The following BARD1 variants were observed in gnomAD, a reference collection of about 807,000 sequenced individuals.
BARD1 encodes BRCA1 associated RING domain 1, also known as BRCA1-associated RING domain protein 1.
In BARD1, 73 loss-of-function variants were observed where a neutral mutation model predicts 77.0. The ratio of observed to expected loss-of-function variants is 0.95; its 90% confidence interval spans 0.79 to 1.15. BARD1 has a LOEUF of 1.15. Among genes scored for constraint, BARD1 ranks in the 50% most tolerant of loss-of-function variants. The pLI, the probability that BARD1 is intolerant of heterozygous loss-of-function variation, is 0.00. For missense variants in BARD1, 993 were observed against 938.8 expected (o/e 1.06, Z -0.75); for synonymous variants, 384 against 338.0 (o/e 1.14, Z -1.49).
intron 2 of BARD1, among the ~76,000 whole-genome samples, chr2:214,794,083 C>T (rs1022603963): frequency 3.9e-5 from 6 of 151,936 alleles, no homozygotes; most frequent in Non-Finnish European, 5.9e-5. Context: ...AAAACCTTGT[C>T]TCTACAAAAA....
At chr2:214,770,131 AAC>A (rs1168976138) in intron 4 of BARD1, among the ~76,000 whole-genome samples, 6 of 152,338 alleles carry the variant, frequency 3.9e-5, no homozygotes, top group East Asian at 1.9e-4. Context: ...TCTAGGAAGC[AAC>A]AGTTGCTCTG....
chr2:214,758,011 G>A (rs1189039360), intron 6 of BARD1, among the ~76,000 whole-genome samples: 2 of 152,134 alleles, frequency 1.3e-5, no homozygotes, highest in Non-Finnish European at 2.9e-5. Flanking sequence ...AGGTACTCTC[G>A]AACTGTAAGC....
At chr2:214,773,143 C>G (rs1305275901) in intron 4 of BARD1, among the ~76,000 whole-genome samples, 3 of 152,126 alleles carry the variant, frequency 2.0e-5, no homozygotes. Flanking sequence ...TACTGCAGAT[C>G]CACACATATT....
chr2:214,755,307 CTTGAT>C (rs1457684884), intron 6 of BARD1, among the ~76,000 whole-genome samples: 1 of 152,136 alleles, frequency 6.6e-6, no homozygotes, highest in African/African-American at 2.4e-5. Flanking sequence ...ACATCAATAA[CTTGAT>C]TTGATATTTA....
At chr2:214,737,243 C>G (rs1376399856) in intron 9 of BARD1, among the ~76,000 whole-genome samples, 1 of 152,062 alleles carries the variant, frequency 6.6e-6, no homozygotes, top group Non-Finnish European at 1.5e-5. Context: ...TTATGTTAGA[C>G]AAAACCAGAC....
Position 214,780,965 on chromosome 2 carries a change from G to A in BARD1, c.909C>T (p.Val303=), listed in dbSNP as rs751581520. The part of the protein sequence containing the change: ...SRNEVVTPEK[V]CKNYLTSKKS... ...TCTTAGATGTAAGATAATTTTTGCAGACCTTCTCAGGAGTCACTACTTCAT... is the reference window on the plus strand; with the variant it reads ...TCTTAGATGTAAGATAATTTTTGCAAACCTTCTCAGGAGTCACTACTTCAT... Residue 303 remains valine, a synonymous_variant, in exon 4 of 11, where the codon GTC becomes GTT. Coordinates refer to ENST00000260947, the MANE Select transcript of BARD1 (RefSeq NM_000465.4). 1 of 1,613,664 alleles carries A rather than the reference G, an allele frequency of 6.2e-7. No homozygotes were observed. Among genetic ancestry groups the A allele is most frequent in the South Asian group, 1.1e-5 (1 of 91,062 alleles).
At chr2:214,731,639 A>T (rs545297386) in intron 9 of BARD1, among the ~76,000 whole-genome samples, 2 of 152,318 alleles carry the variant, frequency 1.3e-5, no homozygotes, top group East Asian at 3.9e-4. Flanking sequence ...TAGATACTAC[A>T]ATGAATTATC....
At chr2:214,745,879 G>A (rs755501437) in intron 7 of BARD1, 25 bp from the exon 8 acceptor site, 1 of 1,613,322 alleles carries the variant, frequency 6.2e-7, no homozygotes, top group African/African-American at 1.3e-5. Flanking sequence ...GGAGATACCA[G>A]TGTTAAAAAC....
At chr2:214,800,091 C>T (rs139398591) in intron 1 of BARD1, among the ~76,000 whole-genome samples, 248 of 152,348 alleles carry the variant, frequency 1.6e-3, no homozygotes, top group African/African-American at 5.3e-3. Context: ...CTTGACTCAA[C>T]GCCTTGATTC....
intron 9 of BARD1, among the ~76,000 whole-genome samples, chr2:214,742,845 G>C (rs1692908740): frequency 6.6e-6 from 1 of 152,118 alleles, no homozygotes; most frequent in Non-Finnish European, 1.5e-5. Context: ...CTTTATTACT[G>C]CGACCTTACT....
chr2:214,749,469 G>A (rs1351535708), intron 7 of BARD1, among the ~76,000 whole-genome samples: 2 of 152,148 alleles, frequency 1.3e-5, no homozygotes, highest in Non-Finnish European at 2.9e-5. Flanking sequence ...TACATGACAT[G>A]CCCAAAGTAT....
chr2:214,750,855 A>T (rs1324257545), intron 7 of BARD1, among the ~76,000 whole-genome samples: 1 of 152,062 alleles, frequency 6.6e-6, no homozygotes, highest in Admixed American at 6.6e-5. Flanking sequence ...GAGGATGGCA[A>T]GGTAAAGAGA....
In BARD1 at chr2:214,809,447, G is replaced by A. The variant is rs764410072; in HGVS notation, c.123C>T (p.Leu41=). 6.2e-7 allele frequency: 1 copy of A among 1,611,740 alleles called. No individual in the cohort carries two copies. Among genetic ancestry groups the A allele is most frequent in the Non-Finnish European group, 8.5e-7 (1 of 1,179,692 alleles). Residue 41 remains leucine (L), a synonymous_variant, in exon 1 of 11, where the codon CTC becomes CTT. Coordinates refer to ENST00000260947, the MANE Select transcript of BARD1 (RefSeq NM_000465.4). ...RGAWAHSRAA[L]DRLEKLLRCS... Reference sequence around the variant, plus strand: ...AGCGCAGCAGCTTCTCCAGGCGGTCGAGCGCGGCGCGACTGTGGGCCCAGG... The same window carrying A: ...AGCGCAGCAGCTTCTCCAGGCGGTCAAGCGCGGCGCGACTGTGGGCCCAGG...
intron 10 of BARD1, 93 bp from the exon 11 acceptor site, chr2:214,729,101 A>T: frequency 7.3e-7 from 1 of 1,369,690 alleles, no homozygotes; most frequent in Non-Finnish European, 1.0e-6. Flanking sequence ...ATACAAGTTG[A>T]ATATCCCTTA....
chr2:214,801,663 C>T (rs1353524175), intron 1 of BARD1, among the ~76,000 whole-genome samples: 2 of 152,090 alleles, frequency 1.3e-5, no homozygotes, highest in African/African-American at 4.8e-5. Flanking sequence ...AAAATTCATG[C>T]CATGTAACAT....
intron 1 of BARD1, among the ~76,000 whole-genome samples, chr2:214,808,607 T>A (rs970191524): frequency 6.6e-6 from 1 of 152,188 alleles, no homozygotes; most frequent in Non-Finnish European, 1.5e-5. Flanking sequence ...TCAATAAAAA[T>A]GCTTTTCAGA....
Position 214,727,552 on chromosome 2 carries a change from G to C in BARD1, c.*1124C>G, listed in dbSNP as rs1156507690. ...TTCATGAATGAGAGCACCCAGAGCA[G>C]AGTAACCTCCCCACATCTGGCCACT... On this transcript the variant is annotated 3_prime_UTR_variant, in exon 11 of 11. Transcript: ENST00000260947. 3 of 232,422 alleles carry C rather than the reference G, an allele frequency of 1.3e-5. No individual in the cohort carries two copies. Among genetic ancestry groups the C allele is most frequent in the South Asian group, 1.8e-4 (1 of 5,524 alleles). The allele number at this position is 232,422 out of a possible 1,614,324, so 14.4% of individuals were successfully genotyped here. A position where few individuals can be genotyped will look rare whatever the true frequency, so the allele number is the denominator to read the frequency against.
chr2:214,736,735 C>G (rs1273695660), intron 9 of BARD1, among the ~76,000 whole-genome samples: 2 of 152,104 alleles, frequency 1.3e-5, no homozygotes, highest in East Asian at 1.9e-4. Flanking sequence ...TGGCAGATAC[C>G]AACAGAGCAG....
chr2:214,796,985 T>C (rs1387272735), intron 2 of BARD1, 76 bp downstream of exon 2: 14 of 1,148,636 alleles, frequency 1.2e-5, no homozygotes, highest in Admixed American at 1.7e-5. Context: ...AGTACCATTA[T>C]TATCAACAAG....
Sources: allele counts gnomAD v4.1 joint callset (sites outside exome capture counted in the v4.1 genomes callset), GRCh38; gene constraint gnomAD v4.1.1; transcripts MANE v1.5; gene names NCBI Gene and HGNC (gene_info 2026-07-23, HGNC 2026-07-21).